FAM184B: variants seen among roughly 807,000 people sequenced by gnomAD.
FAM184B encodes protein FAM184B.
Under a neutral mutation model 135.9 loss-of-function variants are expected in FAM184B, and 111 were observed. The observed-to-expected ratio is 0.82, with a 90% confidence interval of 0.70 to 0.96. FAM184B has a LOEUF of 0.96. Among genes scored for constraint, FAM184B ranks in the 40% least tolerant of loss-of-function variants. FAM184B has a pLI of 0.00. For missense variants in FAM184B, 1,375 were observed against 1,323.9 expected, an observed-to-expected ratio of 1.04 and a Z score of -0.60; for synonymous variants, 552 against 524.8, an observed-to-expected ratio of 1.05 and a Z score of -0.71.
intron 1 of FAM184B, among the ~76,000 whole-genome samples, chr4:17,759,166 C>T (rs1302539807): frequency 6.6e-6 from 1 of 152,170 alleles, no homozygotes; most frequent in Non-Finnish European, 1.5e-5. Flanking sequence ...TTCTGTTTCT[C>T]CCAGTCTCCT....
In FAM184B at chr4:17,633,788, T is replaced by C. The variant is rs1221058083; in HGVS notation, c.2990A>G (p.Asn997Ser). 6 of 1,551,512 alleles carry C rather than the reference T, an allele frequency of 3.9e-6. No individual in the cohort carries two copies. In the East Asian group the frequency reaches 1.5e-4, roughly 38 times the overall value. ...GGGTGATGTAGTTATTGGAGGGGCA[T>C]TAATCCTGGAACTCAGATCGCCACT... ...FLSGDLSSRI[N>S]APPITTSPSL... Residue 997 changes from asparagine to serine, a missense_variant, in exon 17 of 18, where the codon AAT (asparagine) becomes AGT (serine). Physicochemically the swap from Asn to Ser is conservative, Grantham distance 46. Transcript: ENST00000265018.
At chr4:17,670,616 T>C (rs999285287) in intron 7 of FAM184B, among the ~76,000 whole-genome samples, 3 of 152,194 alleles carry the variant, frequency 2.0e-5, no homozygotes, top group African/African-American at 7.2e-5. Context: ...TGCACCCAGA[T>C]AACAACACTG....
Position 17,705,197 on chromosome 4 carries a change from C to T in FAM184B, c.1180G>A (p.Glu394Lys), listed in dbSNP as rs971918248. Residue 394 changes from glutamate to lysine, a missense_variant, in exon 5 of 18, where the codon GAG (glutamate) becomes AAG (lysine). By Grantham distance (56) the Glu-to-Lys change is moderately conservative. Coordinates refer to ENST00000265018, the MANE Select transcript of FAM184B (RefSeq NM_015688.2). ...ATATATTCTGTCTCAGCACTTGCCT[C>T]TTTCTTGGTCTATAAAAAGAAAAAG... Reference protein sequence around the residue: ...KGGTDMQTKKEASAETEYMKQ... With the variant: ...KGGTDMQTKKKASAETEYMKQ... The T allele has an allele frequency of 5.2e-6, 8 of 1,551,060 alleles. No homozygotes were observed. Among genetic ancestry groups the T allele is most frequent in the Non-Finnish European group, 6.1e-6 (7 of 1,146,892 alleles).
intron 12 of FAM184B, among the ~76,000 whole-genome samples, chr4:17,643,600 C>T (rs889727488): frequency 1.3e-5 from 2 of 152,208 alleles, no homozygotes; most frequent in African/African-American, 4.8e-5. Flanking sequence ...CATCTAAACA[C>T]TTAATGGAAC....
chr4:17,692,689 G>C (rs1210982872), intron 6 of FAM184B, among the ~76,000 whole-genome samples: 5 of 152,178 alleles, frequency 3.3e-5, no homozygotes, highest in Admixed American at 1.3e-4. Context: ...AAGCAGGTGG[G>C]AGACACAGGT....
intron 1 of FAM184B, among the ~76,000 whole-genome samples, chr4:17,718,488 TAC>T (rs1577275074): frequency 1.3e-5 from 2 of 152,214 alleles, no homozygotes; most frequent in East Asian, 3.8e-4. Flanking sequence ...TGTGGCAGAC[TAC>T]ATTATTTGTC....
intron 1 of FAM184B, among the ~76,000 whole-genome samples, chr4:17,746,961 C>G (rs760069327): frequency 2.7e-5 from 4 of 150,094 alleles, no homozygotes; most frequent in Non-Finnish European, 5.9e-5. Context: ...TCGCTTGAGC[C>G]CTGGAGGTGG....
rs139007276 is a variant in FAM184B, at chr4:17,729,104, C to T, written c.142-19460G>A. ...AACGGCACACCAGGAGATTATATCCCGCACATGGCTTGGAGGGTCCTGCGC... is the reference window on the plus strand; with the variant it reads ...AACGGCACACCAGGAGATTATATCCTGCACATGGCTTGGAGGGTCCTGCGC... On this transcript the variant is annotated intron_variant, in intron 1 of 17. Transcript: ENST00000265018. 5.8e-3 allele frequency among the ~76,000 whole-genome samples: 879 copies of T among 152,324 alleles called. 10 individuals carry two copies. The highest frequency in any genetic ancestry group is 0.02 in the African/African-American group (825 of 41,556).
rs1482354866 is a variant in FAM184B, at chr4:17,709,414, CG to C, written c.371del (p.Ser124CysfsTer11). 10 of 1,518,276 alleles carry C rather than the reference CG, an allele frequency of 6.6e-6. No homozygotes were observed. Among genetic ancestry groups the C allele is most frequent in the South Asian group, 1.3e-5 (1 of 79,898 alleles). 94.1% of individuals were successfully genotyped at this position (1,518,276 alleles called of 1,614,324 possible). ...LTEEALAESA[S>X]CRLETKEREL... Reference sequence around the variant, plus strand: ...CTCTCTCCTTCGTCTCCAGCCTGCACGAGGCCGACTCAGCCAGCGCCTCCTC... The same window carrying C: ...CTCTCTCCTTCGTCTCCAGCCTGCACAGGCCGACTCAGCCAGCGCCTCCTC... On this transcript the variant is annotated frameshift_variant, in exon 2 of 18. Coordinates refer to ENST00000265018, the MANE Select transcript of FAM184B (RefSeq NM_015688.2). LOFTEE classifies it high-confidence loss of function.
At chr4:17,744,410 G>A (rs983417855) in intron 1 of FAM184B, among the ~76,000 whole-genome samples, 1 of 151,596 alleles carries the variant, frequency 6.6e-6, no homozygotes, top group South Asian at 2.1e-4. Context: ...CAGGCCTTGG[G>A]GGCTGGGACT....
In FAM184B at chr4:17,692,584, C is replaced by T. The variant is rs73093766; in HGVS notation, c.1488+718G>A. ...GACCTCTTGGATATTCCTAAACAAT[C>T]GATACTGTTTTGCGCATGGCCTTTG... is the stretch of plus-strand genomic sequence containing the variant. On this transcript the variant is annotated intron_variant, in intron 6 of 17. Coordinates refer to ENST00000265018, the MANE Select transcript of FAM184B (RefSeq NM_015688.2). Among the ~76,000 whole-genome samples the T allele has an allele frequency of 1.6e-3, 245 of 152,214 alleles. 2 individuals carry two copies. Among genetic ancestry groups the T allele is most frequent in the African/African-American group, 5.7e-3 (236 of 41,542 alleles).
At chr4:17,632,894 A>G in intron 17 of FAM184B, 1 of 283,550 alleles carries the variant, frequency 3.5e-6, no homozygotes, top group Non-Finnish European at 6.8e-6. Context: ...CTAATAATGC[A>G]GGATTAACCA....
intron 6 of FAM184B, among the ~76,000 whole-genome samples, chr4:17,688,858 A>AT (rs1321681619): frequency 6.6e-6 from 1 of 151,602 alleles, no homozygotes; most frequent in Non-Finnish European, 1.5e-5. Context: ...CGCCCAGCTA[A>AT]TTTTTTGTAT....
At chr4:17,725,041 G>A (rs1319300386) in intron 1 of FAM184B, among the ~76,000 whole-genome samples, 1 of 152,124 alleles carries the variant, frequency 6.6e-6, no homozygotes, top group Non-Finnish European at 1.5e-5. Flanking sequence ...CCTGGTCTCT[G>A]GGGGACTCAC....
chr4:17,708,455 G>T (rs1332167739), intron 2 of FAM184B, among the ~76,000 whole-genome samples: 1 of 151,444 alleles, frequency 6.6e-6, no homozygotes, highest in Non-Finnish European at 1.5e-5. Flanking sequence ...GACCAGCCTG[G>T]CCAACATGGC....
chr4:17,721,383 C>CAAAAAAAAAAAGA (rs1717523585), intron 1 of FAM184B, among the ~76,000 whole-genome samples: 1 of 47,384 alleles, frequency 2.1e-5, no homozygotes, highest in Non-Finnish European at 4.0e-5. Flanking sequence ...GATTCTGTCT[C>CAAAAAAAAAAAGA]AAAAAAAAAA....
At chr4:17,646,690 T>C (rs909092595) in intron 12 of FAM184B, among the ~76,000 whole-genome samples, 7 of 152,096 alleles carry the variant, frequency 4.6e-5, no homozygotes, top group African/African-American at 1.7e-4. Context: ...GTAACAAACC[T>C]GCACATTGTG....
chr4:17,762,342 A>T (rs947334400), intron 1 of FAM184B, among the ~76,000 whole-genome samples: 1 of 152,198 alleles, frequency 6.6e-6, no homozygotes, highest in African/African-American at 2.4e-5. Flanking sequence ...AAATTCAATG[A>T]CTTACAATAA....
chr4:17,658,450 T>C lies in FAM184B; in HGVS notation c.1937A>G (p.Gln646Arg). The change falls in exon 10 of 18, where the codon CAG (glutamine) becomes CGG (arginine). Residue 646 changes from glutamine to arginine, a missense_variant. Coordinates refer to ENST00000265018, the MANE Select transcript of FAM184B (RefSeq NM_015688.2). ...GGCGTGGTTCTGCTGAGTGGTCTCC[T>C]GGAGCTCACGCTGCAGCTTCTCCCT... ...LEREKLQREL[Q>R]ETTQQNHAMK... The C allele has an allele frequency of 1.9e-6, 3 of 1,551,598 alleles. No individual in the cohort carries two copies. Among genetic ancestry groups the C allele is most frequent in the Non-Finnish European group, 2.6e-6 (3 of 1,146,962 alleles).
Sources: gnomAD v4.1 joint callset for allele counts (sites outside exome capture counted in the v4.1 genomes callset) on GRCh38, gnomAD v4.1.1 for gene constraint, MANE v1.5 for transcripts, NCBI Gene and HGNC (gene_info 2026-07-23, HGNC 2026-07-21) for gene names.